GLB1L2: variants seen among roughly 807,000 people sequenced by gnomAD.
GLB1L2 encodes beta-galactosidase-1-like protein 2.
A neutral mutation model predicts 84.1 loss-of-function variants in GLB1L2; 68 were observed. The ratio of observed to expected loss-of-function variants is 0.81; its 90% CI spans 0.67 to 0.99. The LOEUF is 0.99. GLB1L2 is among the 50% of genes least tolerant of loss of function. GLB1L2 has a pLI of 0.00. For missense variants in GLB1L2, 762 were observed against 805.6 expected (o/e 0.95, Z 0.66); for synonymous variants, 290 against 318.0 (o/e 0.91, Z 0.94).
intron 14 of GLB1L2, 126 bp downstream of exon 14, chr11:134,371,618 G>A (rs559959296): frequency 8.6e-6 from 9 of 1,046,206 alleles, no homozygotes; most frequent in African/African-American, 1.6e-5. Context: ...TGGAGAGGGC[G>A]AGTGTGGCTT....
At position 134,364,291 on chromosome 11, in the gene GLB1L2, A is replaced by G. The variant is rs1252945770; in HGVS notation, c.734-37A>G. 16 of 1,568,084 alleles carry G rather than the reference A, an allele frequency of 1.0e-5. No individual in the cohort carries two copies. The Admixed American group carries it at 1.5e-4, about 15-fold the overall frequency. ...CCTAGAAGGTCCCTGGCTTTGAGAC[A>G]GTGCTTTGTCTCTCTCTCTCCTCTT... On this transcript the variant is annotated intron_variant, in intron 7 of 18. Transcript: ENST00000535456.
At chr11:134,355,846 C>T (rs971808305) in intron 5 of GLB1L2, among the ~76,000 whole-genome samples, 1 of 152,172 alleles carries the variant, frequency 6.6e-6, no homozygotes, top group Non-Finnish European at 1.5e-5. Context: ...GTTAGAACAT[C>T]GTGAACAAGT....
chr11:134,368,789 T>C lies in GLB1L2; in HGVS notation c.1027+8T>C, dbSNP rs562525799. On this transcript the variant is annotated splice_region_variant and intron_variant, in intron 10 of 18. Coordinates refer to ENST00000535456, the MANE Select transcript of GLB1L2 (RefSeq NM_001370461.1). ...CAGATGTCACCAGCTATGGCAAGTA[T>C]TCATCAGCACTGCTCTCCCTGGTCT... 2 of 1,613,388 alleles carry C rather than the reference T, an allele frequency of 1.2e-6. No homozygotes were observed. The highest frequency in any genetic ancestry group is 2.7e-5 in the African/African-American group (2 of 75,062).
rs1174169528 is a variant in GLB1L2 at position 134,370,664 on chromosome 11, A to G, written c.1215+265A>G. Among the ~76,000 whole-genome samples, 9 of 152,218 alleles carry G rather than the reference A, an allele frequency of 5.9e-5. No homozygotes were observed. The East Asian group carries it at 1.5e-3, about 26-fold the overall frequency. ...GGAGAAACAGAGGTCCCTGAGGAAC[A>G]GCGGCTGGCCCCGTGGGCCTTTCCT... On this transcript the variant is annotated intron_variant, in intron 12 of 18. Coordinates refer to ENST00000535456, the MANE Select transcript of GLB1L2 (RefSeq NM_001370461.1). This position sits in a 1 kb window ranked among gnomAD's most constrained non-coding sequence, Gnocchi z 4.7.
rs552235037 is a variant in GLB1L2, at chr11:134,367,509, G to A, written c.889+168G>A. Reference sequence around the variant, plus strand: ...CCTGAGTCATTTGTCTTGACACTTGGATGAATGGGAGGGCTTTTAACATTG... The same window carrying A: ...CCTGAGTCATTTGTCTTGACACTTGAATGAATGGGAGGGCTTTTAACATTG... On this transcript the variant is annotated intron_variant, in intron 9 of 18. Coordinates refer to ENST00000535456, the MANE Select transcript of GLB1L2 (RefSeq NM_001370461.1). 7.2e-5 allele frequency among the ~76,000 whole-genome samples: 11 copies of A among 152,316 alleles called. No individual in the cohort carries two copies. In the South Asian group the frequency reaches 2.3e-3, roughly 32 times the overall value.
chr11:134,341,727 C>T (rs938446507), intron 1 of GLB1L2, among the ~76,000 whole-genome samples: 6 of 152,192 alleles, frequency 3.9e-5, no homozygotes, highest in Non-Finnish European at 8.8e-5. Flanking sequence ...AGACAAAATT[C>T]CCAAGAGGCT....
intron 13 of GLB1L2, 82 bp downstream of exon 13, chr11:134,371,230 A>G (rs1453035213): frequency 6.6e-7 from 1 of 1,524,902 alleles, no homozygotes; most frequent in Non-Finnish European, 9.0e-7. Flanking sequence ...CCTCAGAATC[A>G]GCTCTTACCA....
Position 134,334,427 on chromosome 11 carries a change from A to G in GLB1L2, c.86+2280A>G, listed in dbSNP as rs942261433. On this transcript the variant is annotated intron_variant, in intron 1 of 18. Transcript: ENST00000535456. This position sits in a 1 kb window ranked among gnomAD's most constrained non-coding sequence, Gnocchi z 4.1. ...TCAAAAGACTAGGATGACCAGGTTG[A>G]CTTTTGGGGAGGATTTCAGTCTTAG... Among the ~76,000 whole-genome samples, 5 of 151,880 alleles carry G rather than the reference A, an allele frequency of 3.3e-5. No individual in the cohort carries two copies. The highest frequency in any genetic ancestry group is 2.0e-4 in the Admixed American group (3 of 15,230).
At chr11:134,344,033 A>C (rs1285559422) in intron 2 of GLB1L2, among the ~76,000 whole-genome samples, 1 of 152,202 alleles carries the variant, frequency 6.6e-6, no homozygotes, top group African/African-American at 2.4e-5. Flanking sequence ...GGCTTCAGTA[A>C]ATATAGGATG....
intron 14 of GLB1L2, 61 bp downstream of exon 14, chr11:134,371,553 G>A: frequency 2.6e-6 from 3 of 1,135,104 alleles, no homozygotes; most frequent in Non-Finnish European, 2.7e-6. Context: ...AAGTCTGGGG[G>A]CAGTCACTGA....
intron 2 of GLB1L2, among the ~76,000 whole-genome samples, 200 bp from the exon 3 acceptor site, chr11:134,344,187 C>T (rs1943511267): frequency 6.6e-6 from 1 of 152,216 alleles, no homozygotes; most frequent in South Asian, 2.1e-4. Flanking sequence ...TCATCCAAAT[C>T]TTGTTGATGC....
At position 134,370,345 on chromosome 11, in the gene GLB1L2, C is replaced by G. The variant is rs1238074992; in HGVS notation, c.1161C>G (p.Pro387=). 3 of 1,613,998 alleles carry G rather than the reference C, an allele frequency of 1.9e-6. No homozygotes were observed. The highest frequency in any genetic ancestry group is 2.5e-6 in the Non-Finnish European group (3 of 1,180,008). The part of the protein sequence containing the change: ...PDLLPKMPYE[P]LTPVLYLSLW... ...TTCTTCCCAAGATGCCGTATGAGCC[C>G]TTAACGCCAGTCTTGTACCTGTCTC... Residue 387 remains proline (P), a synonymous_variant, in exon 12 of 19, where the codon CCC becomes CCG. Coordinates refer to ENST00000535456, the MANE Select transcript of GLB1L2 (RefSeq NM_001370461.1). This position sits in a 1 kb window ranked among gnomAD's most constrained non-coding sequence, Gnocchi z 4.7.
chr11:134,355,777 C>T (rs933044083), intron 5 of GLB1L2, among the ~76,000 whole-genome samples: 12 of 152,222 alleles, frequency 7.9e-5, no homozygotes, highest in African/African-American at 2.9e-4. Context: ...ACTATGTTGA[C>T]GATTCCTGTT....
At chr11:134,364,557 C>T (rs557863989) in intron 8 of GLB1L2, 159 bp downstream of exon 8, 32 of 640,188 alleles carry the variant, frequency 5.0e-5, no homozygotes, top group African/African-American at 9.1e-5. Flanking sequence ...CTGCAAGGCC[C>T]GCTGCCCAGA....
rs946807872 is a variant in GLB1L2 at position 134,370,605 on chromosome 11, G to A, written c.1215+206G>A. Among the ~76,000 whole-genome samples the A allele has an allele frequency of 2.6e-5, 4 of 152,084 alleles. No individual in the cohort carries two copies. The highest frequency in any genetic ancestry group is 9.7e-5 in the African/African-American group (4 of 41,408). On this transcript the variant is annotated intron_variant, in intron 12 of 18. Transcript: ENST00000535456. The surrounding 1 kb of genome is among the most constrained non-coding windows in gnomAD (Gnocchi z 4.7). ...TGCTCTCCGGCCTTGGAGCTCAGAG[G>A]GAAGAGGACAGACTCATGCTGGAGT...
In GLB1L2 at chr11:134,335,856, T is replaced by G. The variant is rs543362058; in HGVS notation, c.86+3709T>G. Among the ~76,000 whole-genome samples the G allele has an allele frequency of 6.6e-5, 10 of 152,292 alleles. No individual in the cohort carries two copies. In the South Asian group the frequency reaches 2.1e-3, roughly 32 times the overall value. On this transcript the variant is annotated intron_variant, in intron 1 of 18. Coordinates refer to ENST00000535456, the MANE Select transcript of GLB1L2 (RefSeq NM_001370461.1). ...CTTGCGGAGAAAGGTTTGAGAACAT[T>G]TGGACCTGAAAAGGACTCTGGGGTC... is the stretch of plus-strand genomic sequence containing the variant.
intron 1 of GLB1L2, among the ~76,000 whole-genome samples, chr11:134,335,170 G>C (rs1163224288): frequency 6.6e-6 from 1 of 151,964 alleles, no homozygotes; most frequent in Non-Finnish European, 1.5e-5. Context: ...AAAGGAAAAG[G>C]AGGAGATGTA....
intron 5 of GLB1L2, among the ~76,000 whole-genome samples, chr11:134,351,063 T>C (rs1324086112): frequency 1.3e-5 from 2 of 152,246 alleles, no homozygotes; most frequent in African/African-American, 4.8e-5. Flanking sequence ...CAGTACCGTG[T>C]TGAATAGAAG....
Position 134,370,884 on chromosome 11 carries a change from A to G in GLB1L2, c.1216-124A>G. The G allele has an allele frequency of 9.5e-7, 1 of 1,048,858 alleles. No individual in the cohort carries two copies. Among genetic ancestry groups the G allele is most frequent in the Non-Finnish European group, 1.4e-6 (1 of 705,616 alleles). 65.0% of individuals were successfully genotyped at this position (1,048,858 alleles called of 1,614,324 possible). A position where few individuals can be genotyped will look rare whatever the true frequency, so the allele number is the denominator to read the frequency against. ...AGAGTTGTATGTTTAGTGCAATGAG[A>G]AGTCAAAGTAGAAAACACCCACCAA... On this transcript the variant is annotated intron_variant, in intron 12 of 18. Coordinates refer to ENST00000535456, the MANE Select transcript of GLB1L2 (RefSeq NM_001370461.1). This position sits in a 1 kb window ranked among gnomAD's most constrained non-coding sequence, Gnocchi z 4.7.
Sources: allele counts gnomAD v4.1 joint callset (sites outside exome capture counted in the v4.1 genomes callset), GRCh38; gene constraint gnomAD v4.1.1; non-coding constraint Gnocchi (gnomAD v3.1); transcripts MANE v1.5; gene names NCBI Gene and HGNC (gene_info 2026-07-23, HGNC 2026-07-21).